The following ACTR3B variants were observed in gnomAD, a reference collection of about 807,000 sequenced individuals.
ACTR3B encodes the protein actin related protein 3B.
Under a neutral mutation model 59.0 loss-of-function variants are expected in ACTR3B, and 8 were observed. The ratio of observed to expected loss-of-function variants is 0.14; its 90% confidence interval spans 0.08 to 0.24. The LOEUF is 0.24. Among genes scored for constraint, ACTR3B ranks in the 10% least tolerant of loss-of-function variants. The pLI is 1.00. For missense variants in ACTR3B, 245 were observed against 552.3 expected, an observed-to-expected ratio of 0.44 and a Z score of 5.58; for synonymous variants, 148 against 197.9, an observed-to-expected ratio of 0.75 and a Z score of 2.12.
chr7:152,785,378 A>AGAG (rs1554434005), intron 2 of ACTR3B, among the ~76,000 whole-genome samples: 29 of 3,380 alleles, frequency 8.6e-3, no homozygotes, highest in South Asian at 0.071. Context: ...GTTTGTTGTG[A>AGAG]GGGGGGGGGG....
chr7:152,850,509 C>T (rs539761991), intron 9 of ACTR3B, among the ~76,000 whole-genome samples: 1 of 152,148 alleles, frequency 6.6e-6, no homozygotes, highest in East Asian at 1.9e-4. Context: ...CTGTGGCTTC[C>T]CCAAATGGAA....
intron 1 of ACTR3B, among the ~76,000 whole-genome samples, chr7:152,774,605 A>G (rs2098132098): frequency 6.6e-6 from 1 of 152,162 alleles, no homozygotes; most frequent in Admixed American, 6.5e-5. Flanking sequence ...ACCTTACAAT[A>G]ATGTTCAGAA....
chr7:152,810,469 T>C (rs1795132279), intron 4 of ACTR3B, among the ~76,000 whole-genome samples: 1 of 150,236 alleles, frequency 6.7e-6, no homozygotes, highest in South Asian at 2.1e-4. Context: ...TTGTCCAAGC[T>C]GGAGTGCAGT....
At chr7:152,844,132 A>G (rs921657621) in intron 9 of ACTR3B, among the ~76,000 whole-genome samples, 4 of 152,304 alleles carry the variant, frequency 2.6e-5, no homozygotes, top group African/African-American at 7.2e-5. Flanking sequence ...ATCTCGGCTC[A>G]CTGCAACCTC....
intron 1 of ACTR3B, among the ~76,000 whole-genome samples, chr7:152,763,311 C>A (rs2098096388): frequency 1.7e-5 from 1 of 59,584 alleles, no homozygotes; most frequent in Non-Finnish European, 2.7e-5. Context: ...GAGACTCCAT[C>A]TCAAAAAAAA....
rs564528364 is a variant in ACTR3B at position 152,835,265 on chromosome 7, G to A, written c.951+10143G>A. On this transcript the variant is annotated intron_variant, in intron 9 of 11. Coordinates refer to ENST00000256001, the MANE Select transcript of ACTR3B (RefSeq NM_020445.6). ...GGTGCAGGATGGGCCAGGCGTAAGCGTCTCATGGAATTATTAGGTCACCCT... is the reference window on the plus strand; with the variant it reads ...GGTGCAGGATGGGCCAGGCGTAAGCATCTCATGGAATTATTAGGTCACCCT... Among the ~76,000 whole-genome samples, 5 of 152,262 alleles carry A rather than the reference G, an allele frequency of 3.3e-5. No individual in the cohort carries two copies. The South Asian group carries it at 1.0e-3, about 32-fold the overall frequency.
Position 152,854,733 on chromosome 7 carries a change from C to T in ACTR3B, c.*180C>T, listed in dbSNP as rs182137136. ...CAGTAAAAGCCATTTATCCGTGTGCCGACCGCTGTCTGCCAGCCTCCTCCT... is the reference window on the plus strand; with the variant it reads ...CAGTAAAAGCCATTTATCCGTGTGCTGACCGCTGTCTGCCAGCCTCCTCCT... On this transcript the variant is annotated 3_prime_UTR_variant, in exon 12 of 12. Coordinates refer to ENST00000256001, the MANE Select transcript of ACTR3B (RefSeq NM_020445.6). The surrounding 1 kb of genome is among the most constrained non-coding windows in gnomAD (Gnocchi z 4.9). The T allele has an allele frequency of 1.4e-4, 79 of 577,008 alleles. No homozygotes were observed. Among genetic ancestry groups the T allele is most frequent in the Middle Eastern group, 4.7e-4 (1 of 2,120 alleles). The allele number at this position is 577,008 out of a possible 1,614,324, so 35.7% of individuals were successfully genotyped here. A position where few individuals can be genotyped will look rare whatever the true frequency, so the allele number is the denominator to read the frequency against.
intron 7 of ACTR3B, among the ~76,000 whole-genome samples, chr7:152,821,204 A>G (rs2116857249): frequency 6.6e-6 from 1 of 152,296 alleles, no homozygotes; most frequent in African/African-American, 2.4e-5. Context: ...AGGTATCATT[A>G]GATATTCTTT....
rs200549274 is a variant in ACTR3B at position 152,793,328 on chromosome 7, G to GT, written c.101-7190dup. Reference sequence around the variant, plus strand: ...AGATGTCCCTGAGGCTCTGGGCTCTGTTTTTTTTTTTTTACTTCTTCCAGT... The same window carrying GT: ...AGATGTCCCTGAGGCTCTGGGCTCTGTTTTTTTTTTTTTTACTTCTTCCAGT... On this transcript the variant is annotated intron_variant, in intron 2 of 11. Transcript: ENST00000256001. 1.7e-3 allele frequency among the ~76,000 whole-genome samples: 100 copies of GT among 60,568 alleles called. 2 individuals carry two copies. The highest frequency in any genetic ancestry group is 6.3e-3 in the Middle Eastern group (1 of 158). The allele number at this position is 60,568 out of a possible 152,430, so 39.7% of individuals were successfully genotyped here. A position where few individuals can be genotyped will look rare whatever the true frequency, so the allele number is the denominator to read the frequency against.
chr7:152,785,378 AGGGGGGGGGGAGGGGAGGGGGAGGGG>A (rs2098168296), intron 2 of ACTR3B, among the ~76,000 whole-genome samples: 2 of 3,376 alleles, frequency 5.9e-4, no homozygotes, highest in African/African-American at 2.7e-3. Context: ...GTTTGTTGTG[AGGGGGGGGGGAGGGGAGGGGGAGGGG>A]GAGAGGGAGG....
chr7:152,788,486 A>G (rs2116654059), intron 2 of ACTR3B, among the ~76,000 whole-genome samples: 1 of 144,530 alleles, frequency 6.9e-6, no homozygotes, highest in Non-Finnish European at 1.5e-5. Flanking sequence ...GTCTCAGCTC[A>G]CTGCAATATC....
At position 152,800,665 on chromosome 7, in the gene ACTR3B, C is replaced by T. The variant is rs201744725; in HGVS notation, c.225+10C>T. 323 of 1,612,320 alleles carry T rather than the reference C, an allele frequency of 2.0e-4. No homozygotes were observed. Among genetic ancestry groups the T allele is most frequent in the Non-Finnish European group, 2.5e-4 (295 of 1,179,166 alleles). Reference sequence around the variant, plus strand: ...TACATATGCTACAAAGGTAAATTTCCGACAGGTGTTTGCTTCTCTAAGTGT... The same window carrying T: ...TACATATGCTACAAAGGTAAATTTCTGACAGGTGTTTGCTTCTCTAAGTGT... On this transcript the variant is annotated intron_variant, in intron 3 of 11. Transcript: ENST00000256001.
chr7:152,836,927 T>A (rs149277693), intron 9 of ACTR3B, among the ~76,000 whole-genome samples: 3,784 of 151,676 alleles, frequency 0.025, 33 homozygotes, highest in African/African-American at 0.083. Flanking sequence ...TCCCAGCACT[T>A]TAGGGGGCTG....
intron 2 of ACTR3B, among the ~76,000 whole-genome samples, 161 bp from the exon 3 acceptor site, chr7:152,800,370 T>A (rs866062265): frequency 1.6e-3 from 246 of 152,006 alleles, no homozygotes; most frequent in African/African-American, 5.8e-3. Context: ...TGTATTATTT[T>A]ATGTACTCAT....
At position 152,849,285 on chromosome 7, in the gene ACTR3B, G is replaced by A. The variant is rs575752596; in HGVS notation, c.952-2841G>A. On this transcript the variant is annotated intron_variant, in intron 9 of 11. Coordinates refer to ENST00000256001, the MANE Select transcript of ACTR3B (RefSeq NM_020445.6). ...TAGGGGGTCTGCTATGCTCAGGGCT[G>A]TTCCCTGTGAGTAGAAGTGTGGGGC... is the stretch of plus-strand genomic sequence containing the variant. Among the ~76,000 whole-genome samples the A allele has an allele frequency of 3.3e-5, 5 of 152,302 alleles. No homozygotes were observed. The South Asian group carries it at 1.0e-3, about 32-fold the overall frequency.
At chr7:152,833,329 C>A (rs1347750576) in intron 9 of ACTR3B, among the ~76,000 whole-genome samples, 6 of 152,208 alleles carry the variant, frequency 3.9e-5, no homozygotes, top group Non-Finnish European at 8.8e-5. Flanking sequence ...TCATAACAGC[C>A]CGTATTTTAG....
Position 152,820,429 on chromosome 7 carries a change from C to T in ACTR3B, c.671C>T (p.Ala224Val). ...CCTCCTGAGCAGTCACTGGAGACCGCAAAAGCCATTAAGGTAAAAACAGAT... is the reference window on the plus strand; with the variant it reads ...CCTCCTGAGCAGTCACTGGAGACCGTAAAAGCCATTAAGGTAAAAACAGAT... ...GIPPEQSLET[A>V]KAIKEKYCYI... The change falls in exon 7 of 12, where the codon GCA becomes GTA. Residue 224 changes from alanine (A) to valine (V), a missense_variant. Transcript: ENST00000256001. 1.9e-6 allele frequency: 3 copies of T among 1,603,816 alleles called. No homozygotes were observed. The South Asian group carries it at 3.3e-5, about 18-fold the overall frequency.
At chr7:152,784,196 T>A (rs575919577) in intron 2 of ACTR3B, among the ~76,000 whole-genome samples, 104 of 152,304 alleles carry the variant, frequency 6.8e-4, no homozygotes, top group Non-Finnish European at 2.8e-4. Flanking sequence ...AAAGTGAAAC[T>A]CTGTTCTCTA....
chr7:152,762,378 A>G (rs2098092302), intron 1 of ACTR3B, among the ~76,000 whole-genome samples: 1 of 152,218 alleles, frequency 6.6e-6, no homozygotes, highest in African/African-American at 2.4e-5. Flanking sequence ...AATAATTTCA[A>G]ATCTACTGAA....
Sources: gnomAD v4.1 joint callset for allele counts (sites outside exome capture counted in the v4.1 genomes callset) on GRCh38, gnomAD v4.1.1 for gene constraint, Gnocchi (gnomAD v3.1) non-coding constraint, MANE v1.5 for transcripts, NCBI Gene and HGNC (gene_info 2026-07-23, HGNC 2026-07-21) for gene names.